The following RPH3AL variants were observed in gnomAD, a reference collection of about 807,000 sequenced individuals.
The protein encoded by RPH3AL is rabphilin 3A like (without C2 domains).
In RPH3AL, 38 loss-of-function variants were observed where a neutral mutation model predicts 43.1. The ratio of observed to expected loss-of-function variants is 0.88; its 90% CI spans 0.68 to 1.15. The LOEUF (loss-of-function observed/expected upper bound fraction) is 1.15. RPH3AL is among the 50% of genes most tolerant of loss of function. RPH3AL has a pLI of 0.00. For missense variants in RPH3AL, 462 were observed against 423.2 expected, an observed-to-expected ratio of 1.09 and a Z score of -0.81; for synonymous variants, 189 against 176.3, an observed-to-expected ratio of 1.07 and a Z score of -0.57.
intron 5 of RPH3AL, 122 bp from the exon 6 acceptor site, chr17:281,976 T>C: frequency 2.7e-6 from 2 of 740,634 alleles, no homozygotes; most frequent in South Asian, 3.2e-5. Flanking sequence ...TGCTTCAGGA[T>C]AGAAGGAATC....
chr17:250,139 T>C (rs1208139662), intron 6 of RPH3AL, among the ~76,000 whole-genome samples: 4 of 149,006 alleles, frequency 2.7e-5, no homozygotes, highest in Non-Finnish European at 4.5e-5. Flanking sequence ...TCTCGGAGCC[T>C]TTACTAAGCT....
intron 7 of RPH3AL, among the ~76,000 whole-genome samples, chr17:244,791 T>C (rs1021500860): frequency 2.0e-5 from 3 of 152,180 alleles, no homozygotes; most frequent in African/African-American, 7.2e-5. Flanking sequence ...CCTGAGGAAG[T>C]GAGGGGGGCT....
chr17:227,814 G>A (rs1331785967), intron 7 of RPH3AL, among the ~76,000 whole-genome samples: 1 of 152,166 alleles, frequency 6.6e-6, no homozygotes, highest in Non-Finnish European at 1.5e-5. Context: ...GAGGAAGAGA[G>A]ATATTTTCAG....
chr17:229,583 C>A (rs543807556), intron 7 of RPH3AL, among the ~76,000 whole-genome samples: 1 of 152,318 alleles, frequency 6.6e-6, no homozygotes. Flanking sequence ...GATGCCAGGC[C>A]CCTCTCCCAG....
intron 2 of RPH3AL, 41 bp from the exon 3 acceptor site, chr17:327,620 G>T: frequency 7.3e-7 from 1 of 1,364,236 alleles, no homozygotes; most frequent in Non-Finnish European, 1.0e-6. Context: ...TGCATCATTG[G>T]CTGGGGTACA....
rs57752884 is a variant in RPH3AL, at chr17:212,681, G to A, written c.*1171C>T. The A allele has an allele frequency of 0.069, 10,454 of 151,194 alleles. 516 individuals are homozygous for A. The highest frequency in any genetic ancestry group is 0.15 in the African/African-American group (6,057 of 41,260). 9.4% of individuals were successfully genotyped at this position (151,194 alleles called of 1,614,324 possible). ...GTTTGGGGCAGGAGGCAGGAAGGAT[G>A]GGAGGGTGTGATCACCGACACACAC... On this transcript the variant is annotated 3_prime_UTR_variant, in exon 10 of 10. Coordinates refer to ENST00000331302, the MANE Select transcript of RPH3AL (RefSeq NM_006987.4).
At position 290,868 on chromosome 17, in the gene RPH3AL, G is replaced by T. The variant is rs147361971; in HGVS notation, c.352-9014C>A. 1.3e-5 allele frequency among the ~76,000 whole-genome samples: 2 copies of T among 152,192 alleles called. No individual in the cohort carries two copies. Among genetic ancestry groups the T allele is most frequent in the Non-Finnish European group, 2.9e-5 (2 of 68,036 alleles). The stretch of plus-strand genomic sequence containing the variant: ...TCACACTCCTGGACGGGCCGGGACA[G>T]CTTCACAGCGTCACCATCCATGGCA... On this transcript the variant is annotated intron_variant, in intron 5 of 9. Coordinates refer to ENST00000331302, the MANE Select transcript of RPH3AL (RefSeq NM_006987.4). This position sits in a 1 kb window ranked among gnomAD's most constrained non-coding sequence, Gnocchi z 4.2.
intron 6 of RPH3AL, among the ~76,000 whole-genome samples, chr17:248,507 A>G (rs2151546904): frequency 6.6e-6 from 1 of 152,128 alleles, no homozygotes; most frequent in East Asian, 1.9e-4. Flanking sequence ...GGAAGTGGTG[A>G]GAGTCACCCT....
At chr17:236,048 G>T (rs551542758) in intron 7 of RPH3AL, among the ~76,000 whole-genome samples, 1 of 143,830 alleles carries the variant, frequency 7.0e-6, no homozygotes, top group African/African-American at 2.8e-5. Flanking sequence ...ACAAGACGGG[G>T]GTCCCAGGTT....
intron 5 of RPH3AL, among the ~76,000 whole-genome samples, chr17:292,615 C>T (rs558486551): frequency 2.6e-5 from 4 of 152,118 alleles, no homozygotes; most frequent in East Asian, 1.9e-4. Context: ...CTGCCCCAGC[C>T]GGGCCTGGCT....
At chr17:258,636 A>AC (rs1555545251) in intron 6 of RPH3AL, among the ~76,000 whole-genome samples, 1 of 148,994 alleles carries the variant, frequency 6.7e-6, no homozygotes, top group Non-Finnish European at 1.5e-5. Context: ...TCCGTCTCCC[A>AC]CCCCCACTCC....
At chr17:241,711 C>CT (rs1001979455) in intron 7 of RPH3AL, among the ~76,000 whole-genome samples, 37 of 92,754 alleles carry the variant, frequency 4.0e-4, no homozygotes, top group Middle Eastern at 5.7e-3. Flanking sequence ...GTTTCTTTTT[C>CT]TTTTTTTTTC....
intron 7 of RPH3AL, among the ~76,000 whole-genome samples, chr17:232,382 C>T (rs1466280063): frequency 6.6e-6 from 1 of 152,252 alleles, no homozygotes; most frequent in Admixed American, 6.5e-5. Context: ...ATGGCAGCTA[C>T]AGCTGTTGCT....
chr17:223,672 A>G (rs1343185378), intron 7 of RPH3AL, among the ~76,000 whole-genome samples: 1 of 152,220 alleles, frequency 6.6e-6, no homozygotes, highest in African/African-American at 2.4e-5. Flanking sequence ...GTGCCTGGTC[A>G]GTTATGAAAA....
At chr17:304,408 G>A (rs945327988) in intron 5 of RPH3AL, among the ~76,000 whole-genome samples, 2 of 152,130 alleles carry the variant, frequency 1.3e-5, no homozygotes, top group Non-Finnish European at 2.9e-5. Context: ...GCACAGTCCT[G>A]TAAGTTACTT....
At chr17:334,661 A>G (rs111496477) in intron 1 of RPH3AL, among the ~76,000 whole-genome samples, 9,705 of 132,646 alleles carry the variant, frequency 0.073, 461 homozygotes, top group Non-Finnish European at 0.094. Flanking sequence ...GCCTTCCCCC[A>G]GGGCCAGCCC....
At chr17:277,221 G>A (rs746506798) in intron 6 of RPH3AL, among the ~76,000 whole-genome samples, 21 of 152,126 alleles carry the variant, frequency 1.4e-4, no homozygotes, top group South Asian at 6.2e-4. Context: ...TGATTACACC[G>A]GAAAAGACTT....
At chr17:350,491 A>G (rs1197303608) in intron 1 of RPH3AL, among the ~76,000 whole-genome samples, 1 of 152,160 alleles carries the variant, frequency 6.6e-6, no homozygotes, top group Non-Finnish European at 1.5e-5. Flanking sequence ...CATGCCTGTA[A>G]TCCCAGCTAC....
chr17:342,549 A>G (rs1188196021), intron 1 of RPH3AL, among the ~76,000 whole-genome samples: 1 of 152,280 alleles, frequency 6.6e-6, no homozygotes, highest in Non-Finnish European at 1.5e-5. Context: ...GTATCGATTC[A>G]TGCTACAACA....
Sources: allele counts gnomAD v4.1 joint callset (sites outside exome capture counted in the v4.1 genomes callset), GRCh38; gene constraint gnomAD v4.1.1; non-coding constraint Gnocchi (gnomAD v3.1); transcripts MANE v1.5; gene names NCBI Gene and HGNC (gene_info 2026-07-23, HGNC 2026-07-21).